ANO5: variants seen among roughly 807,000 people sequenced by gnomAD.
ANO5 encodes the protein anoctamin 5.
In ANO5, 109 loss-of-function variants were observed where a neutral mutation model predicts 121.0. The ratio of observed to expected loss-of-function variants is 0.90; its 90% CI spans 0.77 to 1.06. The LOEUF (loss-of-function observed/expected upper bound fraction) is 1.06, where lower values mean the gene tolerates loss of function less well. Among genes scored for constraint, ANO5 ranks in the 50% least tolerant of loss-of-function variants. The pLI is 0.00. For synonymous variants in ANO5, 406 were observed against 359.9 expected, an observed-to-expected ratio of 1.13 and a Z score of -1.45; for missense variants, 1,064 against 1,078.5, an observed-to-expected ratio of 0.99 and a Z score of 0.19.
intron 7 of ANO5, among the ~76,000 whole-genome samples, chr11:22,229,904 G>C (rs1016165576): frequency 1.3e-5 from 2 of 151,888 alleles, no homozygotes; most frequent in Non-Finnish European, 2.9e-5. Flanking sequence ...CATAACACTT[G>C]TTTCAATGGA....
intron 13 of ANO5, 150 bp downstream of exon 13, chr11:22,255,672 C>T: frequency 2.5e-6 from 2 of 802,994 alleles, no homozygotes; most frequent in Non-Finnish European, 3.9e-6. Context: ...AATATACATA[C>T]ATGTATATAA....
chr11:22,241,976 G>C (rs1242685919), intron 9 of ANO5, among the ~76,000 whole-genome samples: 1 of 152,104 alleles, frequency 6.6e-6, no homozygotes, highest in Non-Finnish European at 1.5e-5. Flanking sequence ...CCGATGTAGA[G>C]AAAGATACTT....
chr11:22,274,162 T>G (rs1215939609), intron 19 of ANO5, among the ~76,000 whole-genome samples: 5 of 131,762 alleles, frequency 3.8e-5, no homozygotes, highest in African/African-American at 1.8e-4. Context: ...TGTTAATCTC[T>G]TACACACACA....
rs576760077 is a variant in ANO5, at chr11:22,257,212, AG to A, written c.1333-466del. Among the ~76,000 whole-genome samples the A allele has an allele frequency of 1.5e-3, 234 of 152,262 alleles. 1 individual carries two copies. The highest frequency in any genetic ancestry group is 9.3e-3 in the East Asian group (48 of 5,186). On this transcript the variant is annotated intron_variant, in intron 13 of 21. Transcript: ENST00000324559. ...TTCATTAATAACTCCTAAAGACTAA[AG>A]GTGGAATTCTTGGCTCCTGAGCTAT...
At chr11:22,228,272 G>T (rs770778296) in intron 7 of ANO5, among the ~76,000 whole-genome samples, 1 of 151,586 alleles carries the variant, frequency 6.6e-6, no homozygotes, top group African/African-American at 2.4e-5. Context: ...TTCAACAAGC[G>T]TTAAGATGTT....
Position 22,281,432 on chromosome 11 carries a change from A to C in ANO5, c.*1667A>C, listed in dbSNP as rs1318053908. 1.3e-5 allele frequency: 2 copies of C among 152,040 alleles called. No individual in the cohort carries two copies. The highest frequency in any genetic ancestry group is 2.9e-5 in the Non-Finnish European group (2 of 67,906). The allele number at this position is 152,040 out of a possible 1,614,324, so 9.4% of individuals were successfully genotyped here. A position where few individuals can be genotyped will look rare whatever the true frequency, so the allele number is the denominator to read the frequency against. On this transcript the variant is annotated 3_prime_UTR_variant, in exon 22 of 22. Transcript: ENST00000324559. ...CCCAGTACTGATTTGTCATCCACTG[A>C]GTAGACTTTATGAATATTTTGGGTA...
rs552321775 is a variant in ANO5, at chr11:22,250,267, T to C, written c.909T>C (p.Tyr303=). 1 of 1,603,068 alleles carries C rather than the reference T, an allele frequency of 6.2e-7. No individual in the cohort carries two copies. Among genetic ancestry groups the C allele is most frequent in the Admixed American group, 1.7e-5 (1 of 59,876 alleles). ...ATTATGGAGAAAAAATTGGTATCTA[T>C]TTTGTCTTTCTTGGATTTTACACAG... ...KNYYGEKIGI[Y]FVFLGFYTEM... The change falls in exon 10 of 22, where the codon TAT becomes TAC. Residue 303 remains tyrosine, a synonymous_variant. Coordinates refer to ENST00000324559, the MANE Select transcript of ANO5 (RefSeq NM_213599.3).
Position 22,227,360 on chromosome 11 carries a change from T to C in ANO5, c.422T>C (p.Val141Ala). The C allele has an allele frequency of 6.2e-7, 1 of 1,613,498 alleles. No individual in the cohort carries two copies. ...ATCCATGCCCCTTGGGAGGTATTAG[T>C]TACCTATGCTGAAGTCTTGGGAATC... ...VKIHAPWEVL[V>A]TYAEVLGIKM... The change falls in exon 7 of 22, where the codon GTT becomes GCT. Residue 141 changes from valine (V) to alanine (A), a missense_variant. Physicochemically the swap from Val to Ala is moderately conservative, Grantham distance 64 (BLOSUM62 0). Coordinates refer to ENST00000324559, the MANE Select transcript of ANO5 (RefSeq NM_213599.3).
chr11:22,272,627 C>T (rs571661482), intron 18 of ANO5, among the ~76,000 whole-genome samples, 157 bp from the exon 19 acceptor site: 2 of 152,192 alleles, frequency 1.3e-5, no homozygotes, highest in South Asian at 2.1e-4. Context: ...CACTGTGCCT[C>T]CTGTGGTAGA....
At chr11:22,212,239 A>ATTAGCTTGAAGGTAAATCTGTC (rs1282823938) in intron 3 of ANO5, among the ~76,000 whole-genome samples, 1 of 151,782 alleles carries the variant, frequency 6.6e-6, no homozygotes, top group African/African-American at 2.4e-5. Context: ...ATTAGACTTT[A>ATTAGCTTGAAGGTAAATCTGTC]TTAGCTTGAA....
At chr11:22,195,604 A>T (rs139239501) in intron 1 of ANO5, among the ~76,000 whole-genome samples, 2,635 of 151,456 alleles carry the variant, frequency 0.017, 74 homozygotes, top group African/African-American at 0.06. Context: ...GCTAATTATT[A>T]TTTTTTTTAT....
At chr11:22,223,849 G>A (rs1191972155) in intron 5 of ANO5, among the ~76,000 whole-genome samples, 1 of 151,518 alleles carries the variant, frequency 6.6e-6, no homozygotes, top group African/African-American at 2.4e-5. Context: ...CCCTCTTTTT[G>A]TTCCAGTTTT....
chr11:22,274,468 T>C (rs551562849), intron 19 of ANO5, 101 bp from the exon 20 acceptor site: 57 of 1,078,514 alleles, frequency 5.3e-5, no homozygotes, highest in Non-Finnish European at 7.4e-5. Context: ...TTAATCATTT[T>C]GCATCTATAT....
rs1855105341 is a variant in ANO5 at position 22,282,142 on chromosome 11, G to A, written c.*2377G>A. On this transcript the variant is annotated 3_prime_UTR_variant, in exon 22 of 22. Transcript: ENST00000324559. ...ACCACATGTAAGTTGATAATTACCAGCATGGCAGGTGATTTTATCTGCTGA... is the reference window on the plus strand; with the variant it reads ...ACCACATGTAAGTTGATAATTACCAACATGGCAGGTGATTTTATCTGCTGA... 6.6e-6 allele frequency: 1 copy of A among 152,108 alleles called. No individual in the cohort carries two copies. The highest frequency in any genetic ancestry group is 2.1e-4 in the South Asian group (1 of 4,836). 9.4% of individuals were successfully genotyped at this position (152,108 alleles called of 1,614,324 possible).
chr11:22,204,809 A>ATT (rs1706401683), intron 2 of ANO5, among the ~76,000 whole-genome samples: 1 of 152,112 alleles, frequency 6.6e-6, no homozygotes, highest in South Asian at 2.1e-4. Flanking sequence ...AGACCTAAAG[A>ATT]TAGAAATACC....
rs768835530 is a variant in ANO5 at position 22,272,870 on chromosome 11, C to T, written c.2116C>T (p.Arg706Ter). 3.1e-6 allele frequency: 5 copies of T among 1,613,950 alleles called. No homozygotes were observed. Among genetic ancestry groups the T allele is most frequent in the South Asian group, 2.2e-5 (2 of 91,068 alleles). Residue 706 changes from arginine to a stop codon, truncating the protein, a stop_gained, in exon 19 of 22, where the codon CGA becomes TGA. Coordinates refer to ENST00000324559, the MANE Select transcript of ANO5 (RefSeq NM_213599.3). LOFTEE classifies it high-confidence loss of function. ...LALINNIVEI[R>*]VDAWKLTTQY... The stretch of plus-strand genomic sequence containing the variant: ...TCTCATAAATAATATTGTAGAGATT[C>T]GAGTGGATGCCTGGAAACTTACCAC...
intron 1 of ANO5, among the ~76,000 whole-genome samples, chr11:22,196,501 GTT>G (rs34588581): frequency 6.9e-6 from 1 of 145,554 alleles, no homozygotes; most frequent in African/African-American, 2.5e-5. Flanking sequence ...TGTTATGAGA[GTT>G]TTTTTTTTTT....
At position 22,255,429 on chromosome 11, in the gene ANO5, C is replaced by T. The variant is rs1047436624; in HGVS notation, c.1239C>T (p.Asp413=). 3 of 1,612,950 alleles carry T rather than the reference C, an allele frequency of 1.9e-6. No individual in the cohort carries two copies. In the Admixed American group the frequency reaches 5.0e-5, roughly 27 times the overall value. The change falls in exon 13 of 22, where the codon GAC becomes GAT. Residue 413 remains aspartate, a synonymous_variant. Transcript: ENST00000324559. ...QRQARLEYEW[D]LVDFEEEQQQ... The stretch of plus-strand genomic sequence containing the variant: ...AAGCCAGACTGGAATATGAATGGGA[C>T]CTGGTGGACTTTGAAGAGGAACAGC...
At chr11:22,215,393 A>G (rs1852406793) in intron 3 of ANO5, among the ~76,000 whole-genome samples, 1 of 151,986 alleles carries the variant, frequency 6.6e-6, no homozygotes, top group Non-Finnish European at 1.5e-5. Flanking sequence ...TCATTAATTC[A>G]GTCTCCTAGT....
Sources: allele counts gnomAD v4.1 joint callset (sites outside exome capture counted in the v4.1 genomes callset), GRCh38; gene constraint gnomAD v4.1.1; transcripts MANE v1.5; gene names NCBI Gene and HGNC (gene_info 2026-07-23, HGNC 2026-07-21).